The following RALGAPA2 variants were observed in gnomAD, a reference collection of about 807,000 sequenced individuals.
RALGAPA2 encodes the protein ral GTPase-activating protein subunit alpha-2.
In RALGAPA2, 139 loss-of-function variants were observed where a neutral mutation model predicts 230.4. The observed-to-expected ratio is 0.60, with a 90% CI of 0.53 to 0.69. The LOEUF is 0.69. Among genes scored for constraint, RALGAPA2 ranks in the 30% least tolerant of loss-of-function variants. The pLI, the probability that RALGAPA2 is intolerant of heterozygous loss-of-function variation, is 0.00. For synonymous variants in RALGAPA2, 847 were observed against 837.8 expected (o/e 1.01, Z -0.19); for missense variants, 2,163 against 2,276.0 (o/e 0.95, Z 1.01).
chr20:20,529,400 T>C (rs1053408950), intron 27 of RALGAPA2, among the ~76,000 whole-genome samples: 4 of 152,210 alleles, frequency 2.6e-5, no homozygotes, highest in South Asian at 2.1e-4. Context: ...CCCATAATTA[T>C]AGAAAAGTTG....
intron 23 of RALGAPA2, among the ~76,000 whole-genome samples, chr20:20,548,125 C>A (rs1288118611): frequency 1.4e-5 from 2 of 148,102 alleles, no homozygotes; most frequent in East Asian, 2.0e-4. Context: ...AGCAAAATCT[C>A]CACACACACA....
At chr20:20,453,485 A>G (rs899662306) in intron 37 of RALGAPA2, among the ~76,000 whole-genome samples, 1 of 152,182 alleles carries the variant, frequency 6.6e-6, no homozygotes, top group Non-Finnish European at 1.5e-5. Flanking sequence ...CAGCATCTGA[A>G]GCTCCAAGAT....
chr20:20,438,122 C>G (rs2060653940), intron 37 of RALGAPA2, among the ~76,000 whole-genome samples: 1 of 152,224 alleles, frequency 6.6e-6, no homozygotes, highest in South Asian at 2.1e-4. Context: ...TATCCTCTAG[C>G]TGAAATGAAA....
chr20:20,658,343 T>C lies in RALGAPA2; in HGVS notation c.271-4756A>G, dbSNP rs7261089. Among the ~76,000 whole-genome samples, 1,289 of 152,342 alleles carry C rather than the reference T, an allele frequency of 8.5e-3. 16 individuals are homozygous for C. The highest frequency in any genetic ancestry group is 0.029 in the African/African-American group (1,224 of 41,572). On this transcript the variant is annotated intron_variant, in intron 3 of 39. Transcript: ENST00000202677. Reference sequence around the variant, plus strand: ...AAATAAAGCCCAACACAACTATCTATGTCCAAATGCTAAGCCTGTCCCTCA... The same window carrying C: ...AAATAAAGCCCAACACAACTATCTACGTCCAAATGCTAAGCCTGTCCCTCA...
intron 2 of RALGAPA2, among the ~76,000 whole-genome samples, chr20:20,679,002 T>C (rs2068433179): frequency 6.6e-6 from 1 of 152,190 alleles, no homozygotes; most frequent in Non-Finnish European, 1.5e-5. Flanking sequence ...ATCGCTTTCC[T>C]TTGCATATAC....
At chr20:20,665,962 TCAAGG>T (rs2067945031) in intron 3 of RALGAPA2, among the ~76,000 whole-genome samples, 1 of 152,230 alleles carries the variant, frequency 6.6e-6, no homozygotes, top group South Asian at 2.1e-4. Context: ...CAGAGCAGTC[TCAAGG>T]CAAGATCACA....
chr20:20,549,009 T>C (rs1029953355), intron 23 of RALGAPA2, among the ~76,000 whole-genome samples: 2 of 152,246 alleles, frequency 1.3e-5, no homozygotes, highest in African/African-American at 2.4e-5. Flanking sequence ...TTTGTTATGC[T>C]TGTGTTAATT....
At chr20:20,452,521 C>G (rs573187936) in intron 37 of RALGAPA2, among the ~76,000 whole-genome samples, 1 of 152,250 alleles carries the variant, frequency 6.6e-6, no homozygotes, top group African/African-American at 2.4e-5. Flanking sequence ...TGTCTCCTCC[C>G]GGCGGCGAGG....
chr20:20,551,910 C>G (rs1043406987), intron 23 of RALGAPA2, among the ~76,000 whole-genome samples: 5 of 152,008 alleles, frequency 3.3e-5, no homozygotes, highest in African/African-American at 1.2e-4. Flanking sequence ...GAAGCATTTC[C>G]ATTGTTTACA....
At chr20:20,549,666 A>C (rs934008612) in intron 23 of RALGAPA2, among the ~76,000 whole-genome samples, 9 of 152,196 alleles carry the variant, frequency 5.9e-5, no homozygotes, top group Non-Finnish European at 1.3e-4. Flanking sequence ...TAAAATTAGG[A>C]ATAACCACGT....
intron 1 of RALGAPA2, among the ~76,000 whole-genome samples, chr20:20,697,425 G>A (rs2146960030): frequency 6.6e-6 from 1 of 152,282 alleles, no homozygotes; most frequent in Middle Eastern, 3.4e-3. Flanking sequence ...TCTAAGGTTT[G>A]CTCAATGTTT....
intron 13 of RALGAPA2, among the ~76,000 whole-genome samples, chr20:20,612,732 T>C (rs917153408): frequency 6.6e-6 from 1 of 152,158 alleles, no homozygotes; most frequent in Non-Finnish European, 1.5e-5. Flanking sequence ...GGATGGTGAC[T>C]TTGAAGAGAA....
chr20:20,512,270 A>ACAC, intron 32 of RALGAPA2, among the ~76,000 whole-genome samples: 1 of 139,190 alleles, frequency 7.2e-6, no homozygotes, highest in South Asian at 2.3e-4. Flanking sequence ...CACACACACA[A>ACAC]ATGTTTGATA....
rs2067002012 is a variant in RALGAPA2, at chr20:20,640,695, A to T, written c.550+6T>A. The T allele has an allele frequency of 6.2e-7, 1 of 1,603,548 alleles. No homozygotes were observed. Among genetic ancestry groups the T allele is most frequent in the Admixed American group, 1.7e-5 (1 of 58,438 alleles). The stretch of plus-strand genomic sequence containing the variant: ...TCAACATGGGAGATCTGCTAACATA[A>T]CTTACCATCAGCTACACTAGGGCTG... On this transcript the variant is annotated splice_donor_region_variant and intron_variant, in intron 6 of 39. Transcript: ENST00000202677.
At chr20:20,469,111 T>C (rs1036579010) in intron 37 of RALGAPA2, among the ~76,000 whole-genome samples, 2 of 152,218 alleles carry the variant, frequency 1.3e-5, no homozygotes, top group African/African-American at 4.8e-5. Flanking sequence ...TTCACATTTC[T>C]ATTCCTAGCG....
chr20:20,589,553 C>T (rs1156339848), intron 17 of RALGAPA2, among the ~76,000 whole-genome samples, 188 bp from the exon 18 acceptor site: 1 of 152,018 alleles, frequency 6.6e-6, no homozygotes, highest in Admixed American at 6.6e-5. Flanking sequence ...GGTCTCTGGC[C>T]CACAGAGAGC....
At chr20:20,649,990 T>A (rs923043303) in intron 4 of RALGAPA2, among the ~76,000 whole-genome samples, 4 of 152,210 alleles carry the variant, frequency 2.6e-5, no homozygotes, top group African/African-American at 9.6e-5. Flanking sequence ...TCTTTCGTAG[T>A]CAGTAATAGA....
intron 1 of RALGAPA2, among the ~76,000 whole-genome samples, chr20:20,685,159 T>G (rs1052389266): frequency 6.6e-6 from 1 of 151,842 alleles, no homozygotes; most frequent in Non-Finnish European, 1.5e-5. Flanking sequence ...GACCACAAAC[T>G]TCCTTCAGAC....
chr20:20,407,940 T>C (rs1346950595), intron 38 of RALGAPA2, among the ~76,000 whole-genome samples: 1 of 152,196 alleles, frequency 6.6e-6, no homozygotes, highest in African/African-American at 2.4e-5. Context: ...TGATGAAGCA[T>C]AGTGAGGAAT....
Sources: gnomAD v4.1 joint callset for allele counts (sites outside exome capture counted in the v4.1 genomes callset) on GRCh38, gnomAD v4.1.1 for gene constraint, MANE v1.5 for transcripts, NCBI Gene and HGNC (gene_info 2026-07-23, HGNC 2026-07-21) for gene names.